Variants in ARHGAP12 observed in about 807,000 individuals in gnomAD.
ARHGAP12 encodes Rho GTPase activating protein 12.
ARHGAP12 carries 64 observed loss-of-function variants against 108.6 expected under a neutral mutation model. That is an observed-to-expected ratio of 0.59 (90% CI 0.48 to 0.73). The LOEUF is 0.73. ARHGAP12 is among the 30% of genes least tolerant of loss of function. ARHGAP12 has a pLI of 0.00. For missense variants in ARHGAP12, 940 were observed against 1,005.9 expected, an observed-to-expected ratio of 0.93 and a Z score of 0.89; for synonymous variants, 312 against 337.2, an observed-to-expected ratio of 0.93 and a Z score of 0.82.
intron 3 of ARHGAP12, among the ~76,000 whole-genome samples, chr10:31,886,418 G>A (rs1225579614): frequency 6.6e-6 from 1 of 152,004 alleles, no homozygotes; most frequent in Non-Finnish European, 1.5e-5. Context: ...TGATACCCAA[G>A]CCAAATGACA....
intron 9 of ARHGAP12, among the ~76,000 whole-genome samples, chr10:31,835,088 A>G (rs1231575060): frequency 1.3e-5 from 2 of 152,084 alleles, no homozygotes; most frequent in Non-Finnish European, 2.9e-5. Flanking sequence ...AATCCCAACT[A>G]CTTGGGAGGC....
Position 31,832,822 on chromosome 10 carries a change from G to A in ARHGAP12, c.1387-1022C>T, listed in dbSNP as rs145898867. On this transcript the variant is annotated intron_variant, in intron 9 of 19. Transcript: ENST00000344936. The stretch of plus-strand genomic sequence containing the variant: ...TTTTTTACCAATGTCTGAAAGTTTC[G>A]TCTGGTCTGATAAAAACTGACATCT... 3.6e-4 allele frequency among the ~76,000 whole-genome samples: 55 copies of A among 152,094 alleles called. 1 individual carries two copies. Among genetic ancestry groups the A allele is most frequent in the African/African-American group, 1.3e-3 (52 of 41,490 alleles).
chr10:31,875,632 A>G (rs188746985), intron 3 of ARHGAP12, among the ~76,000 whole-genome samples: 94 of 152,334 alleles, frequency 6.2e-4, no homozygotes, highest in African/African-American at 1.9e-3. Context: ...CTGTCTAGAC[A>G]CTATTCATTC....
chr10:31,898,807 T>C (rs1371294123), intron 3 of ARHGAP12, among the ~76,000 whole-genome samples: 1 of 152,086 alleles, frequency 6.6e-6, no homozygotes, highest in African/African-American at 2.4e-5. Flanking sequence ...CATCTAGGTT[T>C]GTGTAAGTAC....
chr10:31,837,983 G>A (rs1408662420), intron 9 of ARHGAP12, among the ~76,000 whole-genome samples: 1 of 152,146 alleles, frequency 6.6e-6, no homozygotes, highest in Admixed American at 6.6e-5. Context: ...GACATTAATA[G>A]AGAGTTGGAG....
At chr10:31,862,168 T>C (rs1397303408) in intron 3 of ARHGAP12, among the ~76,000 whole-genome samples, 1 of 152,226 alleles carries the variant, frequency 6.6e-6, no homozygotes, top group East Asian at 1.9e-4. Context: ...GCTCTAACAT[T>C]AAATCAGGAA....
chr10:31,919,275 G>A (rs1839692045), intron 1 of ARHGAP12, among the ~76,000 whole-genome samples: 1 of 152,178 alleles, frequency 6.6e-6, no homozygotes, highest in Non-Finnish European at 1.5e-5. Context: ...AGTTTAGAAA[G>A]ATGAAAAAGT....
intron 10 of ARHGAP12, among the ~76,000 whole-genome samples, chr10:31,829,596 T>C (rs1331411619): frequency 6.6e-6 from 1 of 150,554 alleles, no homozygotes; most frequent in Non-Finnish European, 1.5e-5. Context: ...TACTGATGTA[T>C]GATTCTTTGA....
intron 6 of ARHGAP12, among the ~76,000 whole-genome samples, chr10:31,849,483 TA>T (rs1836589880): frequency 2.0e-5 from 3 of 152,334 alleles, no homozygotes; most frequent in Admixed American, 2.0e-4. Context: ...AACTAAATTT[TA>T]ATATCTGCAT....
rs371320779 is a variant in ARHGAP12, at chr10:31,843,529, G to A, written c.1228C>T (p.Arg410Trp). 14 of 1,612,838 alleles carry A rather than the reference G, an allele frequency of 8.7e-6. No individual in the cohort carries two copies. In the Admixed American group the frequency reaches 1.3e-4, roughly 15 times the overall value. ...GTTAATACTATTGGTTCTTGCAGCC[G>A]CCTGTCCAGGCTCCTACTTTTAATT... ...EIIKSRSLDR[R>W]LQEPIVLTKW... is the part of the protein sequence containing the mutation. Residue 410 changes from arginine to tryptophan, a missense_variant, in exon 7 of 20, where the codon CGG (arginine) becomes TGG (tryptophan). Coordinates refer to ENST00000344936, the MANE Select transcript of ARHGAP12 (RefSeq NM_018287.7).
chr10:31,919,151 T>C (rs1839684156), intron 1 of ARHGAP12, among the ~76,000 whole-genome samples: 1 of 152,194 alleles, frequency 6.6e-6, no homozygotes, highest in Non-Finnish European at 1.5e-5. Flanking sequence ...TGATTTCATG[T>C]ATATAAGGTA....
intron 1 of ARHGAP12, among the ~76,000 whole-genome samples, chr10:31,914,773 C>T (rs980302035): frequency 4.6e-5 from 7 of 152,186 alleles, no homozygotes; most frequent in South Asian, 2.1e-4. Flanking sequence ...ATATGATCCA[C>T]CAATTCCACT....
At chr10:31,821,269 T>C (rs1197047167) in intron 11 of ARHGAP12, among the ~76,000 whole-genome samples, 6 of 152,158 alleles carry the variant, frequency 3.9e-5, no homozygotes, top group Non-Finnish European at 1.5e-5. Flanking sequence ...GGTTCAGAAG[T>C]ACTTAGCTAG....
At chr10:31,882,391 AT>A (rs1838006861) in intron 3 of ARHGAP12, among the ~76,000 whole-genome samples, 1 of 144,310 alleles carries the variant, frequency 6.9e-6, no homozygotes, top group Non-Finnish European at 1.5e-5. Flanking sequence ...CACTAATATA[AT>A]AAGGAGAACT....
chr10:31,918,008 T>G (rs954765752), intron 1 of ARHGAP12, among the ~76,000 whole-genome samples: 1 of 151,464 alleles, frequency 6.6e-6, no homozygotes, highest in Admixed American at 6.6e-5. Flanking sequence ...TAGGCTGGAG[T>G]GCAGTGGTAC....
intron 3 of ARHGAP12, among the ~76,000 whole-genome samples, chr10:31,878,730 A>T (rs1159442411): frequency 6.6e-6 from 1 of 152,186 alleles, no homozygotes; most frequent in Non-Finnish European, 1.5e-5. Flanking sequence ...TCATGCTACA[A>T]TGGCAGAGTT....
intron 9 of ARHGAP12, among the ~76,000 whole-genome samples, chr10:31,835,633 C>T (rs1175597949): frequency 6.6e-6 from 1 of 152,178 alleles, no homozygotes; most frequent in African/African-American, 2.4e-5. Flanking sequence ...TCAATTTAGG[C>T]TAACAAGTGT....
At chr10:31,851,915 A>T (rs1836695711) in intron 6 of ARHGAP12, among the ~76,000 whole-genome samples, 1 of 152,186 alleles carries the variant, frequency 6.6e-6, no homozygotes, top group Non-Finnish European at 1.5e-5. Context: ...TTAAAATTCA[A>T]ATGTTTGCTC....
intron 10 of ARHGAP12, 84 bp from the exon 11 acceptor site, chr10:31,826,469 TATC>T: frequency 5.1e-6 from 5 of 984,384 alleles, no homozygotes; most frequent in Non-Finnish European, 7.7e-6. Context: ...ACTTAGCTCT[TATC>T]AATGTTATCT....
Sources: allele counts gnomAD v4.1 joint callset (sites outside exome capture counted in the v4.1 genomes callset), GRCh38; gene constraint gnomAD v4.1.1; transcripts MANE v1.5; gene names NCBI Gene and HGNC (gene_info 2026-07-23, HGNC 2026-07-21).